Variants in PRKG1 observed in about 807,000 individuals in gnomAD.
PRKG1 encodes cGMP-dependent protein kinase 1.
PRKG1 carries 35 observed loss-of-function variants against 88.1 expected under a neutral mutation model. That is an observed-to-expected ratio of 0.40 (90% confidence interval 0.30 to 0.53). PRKG1 has a LOEUF of 0.53. Among genes scored for constraint, PRKG1 ranks in the 20% least tolerant of loss-of-function variants. The probability of loss-of-function intolerance (pLI) is 0.59; values close to 1 mark genes in which losing one functional copy is unlikely to be tolerated. For synonymous variants in PRKG1, 303 were observed against 292.5 expected (o/e 1.04, Z -0.37); for missense variants, 540 against 839.8 (o/e 0.64, Z 4.41).
intron 3 of PRKG1, among the ~76,000 whole-genome samples, chr10:51,489,004 AAAAC>A (rs1270909059): frequency 6.6e-6 from 1 of 152,156 alleles, no homozygotes; most frequent in African/African-American, 2.4e-5. Flanking sequence ...ACAAAACAAA[AAAAC>A]TGCCGTTGGC....
intron 7 of PRKG1, among the ~76,000 whole-genome samples, chr10:52,074,393 T>C (rs142050378): frequency 3.9e-4 from 59 of 152,342 alleles, no homozygotes; most frequent in Non-Finnish European, 6.6e-4. Context: ...TTATCTCTAC[T>C]GTCTAAAATG....
intron 1 of PRKG1, among the ~76,000 whole-genome samples, chr10:50,995,041 C>G (rs1842824459): frequency 3.3e-5 from 5 of 152,048 alleles, no homozygotes; most frequent in Admixed American, 2.6e-4. Flanking sequence ...CCTCGGAGGT[C>G]CTGGAACCAA....
At chr10:52,013,976 T>G (rs539484024) in intron 5 of PRKG1, among the ~76,000 whole-genome samples, 1 of 152,228 alleles carries the variant, frequency 6.6e-6, no homozygotes, top group African/African-American at 2.4e-5. Context: ...GACTGCCACA[T>G]TTCCTGCTTT....
At chr10:51,543,598 C>T (rs1842368225) in intron 3 of PRKG1, among the ~76,000 whole-genome samples, 1 of 152,174 alleles carries the variant, frequency 6.6e-6, no homozygotes, top group African/African-American at 2.4e-5. Context: ...AAGCAGCAGC[C>T]ACCAGTTGTG....
At position 51,942,072 on chromosome 10, in the gene PRKG1, T is replaced by A. The variant is rs889186414; in HGVS notation, c.762+34502T>A. On this transcript the variant is annotated intron_variant, in intron 5 of 17. Coordinates refer to ENST00000373980, the MANE Select transcript of PRKG1 (RefSeq NM_006258.4). ...AACTAGTTTACAGTCCCACCAACAGTGTAAAAGTGTTCCTATTTCTCCACA... is the reference window on the plus strand; with the variant it reads ...AACTAGTTTACAGTCCCACCAACAGAGTAAAAGTGTTCCTATTTCTCCACA... Among the ~76,000 whole-genome samples, 52 of 152,002 alleles carry A rather than the reference T, an allele frequency of 3.4e-4. 1 individual carries two copies. The highest frequency in any genetic ancestry group is 1.2e-3 in the African/African-American group (51 of 41,294).
intron 1 of PRKG1, among the ~76,000 whole-genome samples, chr10:51,012,822 G>A (rs139213571): frequency 5.9e-5 from 9 of 152,336 alleles, no homozygotes; most frequent in Non-Finnish European, 7.4e-5. Flanking sequence ...AAAAGGGAGA[G>A]GGAAGAGTCT....
intron 4 of PRKG1, among the ~76,000 whole-genome samples, chr10:51,887,224 A>G (rs945834865): frequency 2.0e-5 from 3 of 152,064 alleles, no homozygotes; most frequent in African/African-American, 7.2e-5. Flanking sequence ...GCCTCAAGTG[A>G]TCTCCCTGTC....
At position 51,950,185 on chromosome 10, in the gene PRKG1, A is replaced by G. The variant is rs1843150323; in HGVS notation, c.762+42615A>G. Reference sequence around the variant, plus strand: ...CAATGCCTTTTATTCACAAAATCATAGCATACTCTTGAAATACACTCATAT... The same window carrying G: ...CAATGCCTTTTATTCACAAAATCATGGCATACTCTTGAAATACACTCATAT... On this transcript the variant is annotated intron_variant, in intron 5 of 17. Coordinates refer to ENST00000373980, the MANE Select transcript of PRKG1 (RefSeq NM_006258.4). 3.3e-5 allele frequency among the ~76,000 whole-genome samples: 5 copies of G among 152,326 alleles called. No individual in the cohort carries two copies. In the South Asian group the frequency reaches 1.0e-3, roughly 32 times the overall value.
At chr10:52,249,687 G>A (rs1194513) in intron 9 of PRKG1, among the ~76,000 whole-genome samples, 37,231 of 151,930 alleles carry the variant, frequency 0.25, 4,880 homozygotes, top group Admixed American at 0.29. Context: ...GCTGGGCGTA[G>A]TGACGCACAC....
intron 2 of PRKG1, among the ~76,000 whole-genome samples, chr10:51,454,215 A>C (rs1960405): frequency 0.31 from 47,498 of 151,754 alleles, 8,016 homozygotes; most frequent in African/African-American, 0.38. Flanking sequence ...AAATACCATC[A>C]GTGTTCTTCA....
intron 4 of PRKG1, among the ~76,000 whole-genome samples, chr10:51,842,100 C>A (rs1840290921): frequency 6.6e-6 from 1 of 152,160 alleles, no homozygotes; most frequent in Non-Finnish European, 1.5e-5. Context: ...CAGTTGGATT[C>A]CCTCGCTGGC....
chr10:51,955,031 C>T (rs1843270911), intron 5 of PRKG1, among the ~76,000 whole-genome samples: 1 of 151,206 alleles, frequency 6.6e-6, no homozygotes, highest in Non-Finnish European at 1.5e-5. Context: ...TTTCTTACAT[C>T]TATCACTTTT....
In PRKG1 at chr10:51,511,030, G is replaced by C. The variant is rs186353910; in HGVS notation, c.592+43194G>C. Among the ~76,000 whole-genome samples, 745 of 152,084 alleles carry C rather than the reference G, an allele frequency of 4.9e-3. 2 individuals are homozygous for C. The highest frequency in any genetic ancestry group is 0.034 in the Middle Eastern group (10 of 294). ...GCCTCCCAAAGTGCTGGGATTACAG[G>C]CGTGAGCCGCTGCGCCTGGCCTGTA... is the stretch of plus-strand genomic sequence containing the variant. On this transcript the variant is annotated intron_variant, in intron 3 of 17. Transcript: ENST00000373980.
intron 9 of PRKG1, among the ~76,000 whole-genome samples, chr10:52,183,309 A>G (rs10824213): frequency 0.43 from 65,816 of 152,026 alleles, 14,806 homozygotes; most frequent in African/African-American, 0.56. Context: ...AGAGTCATTT[A>G]TGCAAGAAAG....
intron 1 of PRKG1, among the ~76,000 whole-genome samples, chr10:51,012,013 A>G (rs978726540): frequency 6.6e-6 from 1 of 152,162 alleles, no homozygotes; most frequent in Non-Finnish European, 1.5e-5. Flanking sequence ...ATCAGATCTC[A>G]TGAGACTTAT....
chr10:51,971,185 A>C (rs747607237), intron 5 of PRKG1, among the ~76,000 whole-genome samples: 9 of 151,948 alleles, frequency 5.9e-5, no homozygotes, highest in Non-Finnish European at 1.3e-4. Flanking sequence ...GATGGACAAA[A>C]TCATAATAAA....
Position 51,754,385 on chromosome 10 carries a change from A to C in PRKG1, c.593-50200A>C, listed in dbSNP as rs558341335. 2.7e-4 allele frequency among the ~76,000 whole-genome samples: 41 copies of C among 152,252 alleles called. No homozygotes were observed. In the South Asian group the frequency reaches 7.3e-3, roughly 27 times the overall value. On this transcript the variant is annotated intron_variant, in intron 3 of 17. Transcript: ENST00000373980. Reference sequence around the variant, plus strand: ...GTCAATTAACTTCTGCTGGTGACCTATCATTTGCTAACTGTTCTTTCAATT... The same window carrying C: ...GTCAATTAACTTCTGCTGGTGACCTCTCATTTGCTAACTGTTCTTTCAATT...
At chr10:51,415,662 G>A (rs1433640866) in intron 2 of PRKG1, among the ~76,000 whole-genome samples, 5 of 152,096 alleles carry the variant, frequency 3.3e-5, no homozygotes, top group African/African-American at 7.2e-5. Context: ...AAGAAAGCCC[G>A]AGGAAGTTAC....
intron 9 of PRKG1, among the ~76,000 whole-genome samples, chr10:52,233,952 C>T (rs966886602): frequency 8.9e-4 from 136 of 152,034 alleles, no homozygotes; most frequent in Admixed American, 1.4e-3. Context: ...TCTCCCAGCA[C>T]GCAGCTGGAG....
Sources: gnomAD v4.1 joint callset for allele counts (sites outside exome capture counted in the v4.1 genomes callset) on GRCh38, gnomAD v4.1.1 for gene constraint, MANE v1.5 for transcripts, NCBI Gene and HGNC (gene_info 2026-07-23, HGNC 2026-07-21) for gene names.